ERI3: variants seen among roughly 807,000 people sequenced by gnomAD.
ERI3 encodes the protein ERI1 exoribonuclease 3.
Under a neutral mutation model 44.4 loss-of-function variants are expected in ERI3, and 18 were observed. The observed-to-expected ratio is 0.41, with a 90% confidence interval of 0.28 to 0.60. The LOEUF (loss-of-function observed/expected upper bound fraction) is 0.60, where lower values mean the gene tolerates loss of function less well. Ranked by LOEUF, ERI3 falls within the 20% of genes least tolerant of loss-of-function variation. ERI3 has a pLI of 0.36. For missense variants in ERI3, 294 were observed against 435.5 expected (o/e 0.68, Z 2.89); for synonymous variants, 183 against 164.8 (o/e 1.11, Z -0.84).
At position 44,221,727 on chromosome 1, in the gene ERI3, C is replaced by G. The variant is rs2154314597; in HGVS notation, c.932-87G>C. On this transcript the variant is annotated intron_variant, in intron 8 of 8. Transcript: ENST00000372257. The surrounding 1 kb of genome is among the most constrained non-coding windows in gnomAD (Gnocchi z 5.9). ...CTCTTACAAGGGTGGGGGTGGGAAGCAGGGTCAGATTCAGGAGACACAGGC... is the reference window on the plus strand; with the variant it reads ...CTCTTACAAGGGTGGGGGTGGGAAGGAGGGTCAGATTCAGGAGACACAGGC... 9.2e-7 allele frequency: 1 copy of G among 1,091,508 alleles called. No homozygotes were observed. The highest frequency in any genetic ancestry group is 1.3e-5 in the South Asian group (1 of 76,848). The allele number at this position is 1,091,508 out of a possible 1,614,324, so 67.6% of individuals were successfully genotyped here.
chr1:44,252,331 C>T lies in ERI3; in HGVS notation c.832-4293G>A, dbSNP rs1187427214. Among the ~76,000 whole-genome samples the T allele has an allele frequency of 6.6e-6, 1 of 152,266 alleles. No homozygotes were observed. The highest frequency in any genetic ancestry group is 1.5e-5 in the Non-Finnish European group (1 of 68,044). On this transcript the variant is annotated intron_variant, in intron 7 of 8. Coordinates refer to ENST00000372257, the MANE Select transcript of ERI3 (RefSeq NM_024066.3). The surrounding 1 kb of genome is among the most constrained non-coding windows in gnomAD (Gnocchi z 4.7). ...CAGGGAAGCAGGTGCCGAGCTGCTC[C>T]CGGCTGGCTCTCCCCTCTCGTGGCT... is the stretch of plus-strand genomic sequence containing the variant.
intron 5 of ERI3, 135 bp from the exon 6 acceptor site, chr1:44,308,536 C>T: frequency 2.7e-6 from 2 of 746,722 alleles, no homozygotes; most frequent in Non-Finnish European, 4.7e-6. Flanking sequence ...GCCATGGCTC[C>T]ACTGTGGGCT....
rs1430387130 is a variant in ERI3 at position 44,339,054 on chromosome 1, A to C, written c.480T>G (p.Ile160Met). 1 of 1,611,838 alleles carries C rather than the reference A, an allele frequency of 6.2e-7. No individual in the cohort carries two copies. The highest frequency in any genetic ancestry group is 1.7e-5 in the Admixed American group (1 of 59,920). ...DFEATCDKPQ[I>M]HPQEIIEFPI... ...ATGATGGAACAGTTACCTGAGGATG[A>C]ATCTGTGGCTTGTCGCACGTGGCCT... The change falls in exon 3 of 9, where the codon ATT (isoleucine) becomes ATG (methionine). Residue 160 changes from isoleucine (I) to methionine (M), a missense_variant. Coordinates refer to ENST00000372257, the MANE Select transcript of ERI3 (RefSeq NM_024066.3).
In ERI3 at chr1:44,347,433, A is replaced by G. The variant is rs186496425; in HGVS notation, c.211+5417T>C. ...CTGGCAGGAGGCAGGGTTATAACCA[A>G]TTCTTACTCAAGTACCCAAATGTGA... On this transcript the variant is annotated intron_variant, in intron 2 of 8. Coordinates refer to ENST00000372257, the MANE Select transcript of ERI3 (RefSeq NM_024066.3). Among the ~76,000 whole-genome samples, 452 of 152,318 alleles carry G rather than the reference A, an allele frequency of 3.0e-3. 1 individual carries two copies. Among genetic ancestry groups the G allele is most frequent in the African/African-American group, 0.01 (430 of 41,564 alleles).
At chr1:44,232,251 G>C (rs573728512) in intron 8 of ERI3, among the ~76,000 whole-genome samples, 45 of 152,358 alleles carry the variant, frequency 3.0e-4, no homozygotes, top group African/African-American at 1.1e-3. Flanking sequence ...GAATAAAGGA[G>C]GCAGGCCGAA....
chr1:44,311,703 G>C (rs1402376023), intron 5 of ERI3, among the ~76,000 whole-genome samples: 1 of 152,098 alleles, frequency 6.6e-6, no homozygotes, highest in South Asian at 2.1e-4. Flanking sequence ...CCCAGAGCAA[G>C]TATCTTCCTC....
chr1:44,270,740 G>A (rs1645072802), intron 7 of ERI3, among the ~76,000 whole-genome samples: 1 of 152,232 alleles, frequency 6.6e-6, no homozygotes, highest in Admixed American at 6.5e-5. Flanking sequence ...AACTCCAGAG[G>A]AGAGGTCACT....
chr1:44,337,839 C>T (rs949368414), intron 3 of ERI3, among the ~76,000 whole-genome samples: 6 of 152,166 alleles, frequency 3.9e-5, no homozygotes, highest in Admixed American at 6.5e-5. Context: ...TCGAAGTGCC[C>T]GATGCTGAGG....
chr1:44,226,627 G>A (rs1302980679), intron 8 of ERI3, among the ~76,000 whole-genome samples: 1 of 152,070 alleles, frequency 6.6e-6, no homozygotes, highest in Non-Finnish European at 1.5e-5. Context: ...GGAGCATCTA[G>A]GATCTCAGTG....
At chr1:44,270,319 C>A (rs1335076872) in intron 7 of ERI3, among the ~76,000 whole-genome samples, 2 of 152,172 alleles carry the variant, frequency 1.3e-5, no homozygotes, top group Non-Finnish European at 1.5e-5. Flanking sequence ...TTACTGAAGT[C>A]CCCTCTATTT....
intron 3 of ERI3, chr1:44,322,881 T>C (rs1336153375): frequency 3.9e-6 from 6 of 1,542,362 alleles, no homozygotes; most frequent in Non-Finnish European, 3.5e-6. Flanking sequence ...TGAAGATTTT[T>C]AGCTGATAAT....
chr1:44,294,653 G>A (rs536482575), intron 6 of ERI3, among the ~76,000 whole-genome samples: 1 of 152,246 alleles, frequency 6.6e-6, no homozygotes, highest in Non-Finnish European at 1.5e-5. Flanking sequence ...CTCTTTCCTA[G>A]ATGGAATGGC....
chr1:44,237,045 C>T (rs1415833894), intron 8 of ERI3, among the ~76,000 whole-genome samples: 2 of 152,174 alleles, frequency 1.3e-5, no homozygotes, highest in African/African-American at 2.4e-5. Context: ...CTCAAATGGG[C>T]TGGTCAGGGG....
At position 44,247,945 on chromosome 1, in the gene ERI3, C is replaced by A; in HGVS notation, c.925G>T (p.Gly309Cys). The change falls in exon 8 of 9, where the codon GGC becomes TGC. Residue 309 changes from glycine (G) to cysteine (C), a missense_variant. By Grantham distance (159) the Gly-to-Cys change is radical (BLOSUM62 -3). Coordinates refer to ENST00000372257, the MANE Select transcript of ERI3 (RefSeq NM_024066.3). ...AATATGCGAAGGGACTGACCAATGC[C>A]GCTGTGGGGCCGGCCTATGTGTTGC... ...SLQHIGRPHSGIDDCKNIANI... is the reference protein window; with the variant it reads ...SLQHIGRPHSCIDDCKNIANI... The A allele has an allele frequency of 6.2e-7, 1 of 1,611,882 alleles. No individual in the cohort carries two copies. The highest frequency in any genetic ancestry group is 8.5e-7 in the Non-Finnish European group (1 of 1,178,932).
At chr1:44,269,163 A>G (rs1024020090) in intron 7 of ERI3, among the ~76,000 whole-genome samples, 9 of 152,204 alleles carry the variant, frequency 5.9e-5, no homozygotes, top group Admixed American at 1.3e-4. Context: ...GGGAGCAAAA[A>G]GGGAAAGCCT....
intron 4 of ERI3, among the ~76,000 whole-genome samples, chr1:44,316,395 G>A (rs967661952): frequency 6.6e-6 from 1 of 152,140 alleles, no homozygotes; most frequent in African/African-American, 2.4e-5. Flanking sequence ...GAAACCACAA[G>A]GCAAGGGGCT....
chr1:44,297,199 A>G (rs1435902821), intron 6 of ERI3, among the ~76,000 whole-genome samples: 1 of 152,082 alleles, frequency 6.6e-6, no homozygotes, highest in East Asian at 1.9e-4. Flanking sequence ...TTACAGAACT[A>G]TCAAGTCTGA....
chr1:44,251,540 T>G (rs1418373401), intron 7 of ERI3, among the ~76,000 whole-genome samples: 1 of 152,130 alleles, frequency 6.6e-6, no homozygotes, highest in East Asian at 1.9e-4. Flanking sequence ...CCCTTTGGAT[T>G]GCCTACAGGG....
chr1:44,304,203 G>A (rs1645785929), intron 6 of ERI3, among the ~76,000 whole-genome samples: 1 of 152,086 alleles, frequency 6.6e-6, no homozygotes, highest in Admixed American at 6.5e-5. Flanking sequence ...TGGCAGATGA[G>A]CCCGATTTCT....
Sources: allele counts gnomAD v4.1 joint callset (sites outside exome capture counted in the v4.1 genomes callset), GRCh38; gene constraint gnomAD v4.1.1; non-coding constraint Gnocchi (gnomAD v3.1); transcripts MANE v1.5; gene names NCBI Gene and HGNC (gene_info 2026-07-23, HGNC 2026-07-21).